SSUH2: variants seen among roughly 807,000 people sequenced by gnomAD.
SSUH2 encodes the protein protein SSUH2 homolog.
In SSUH2, 47 loss-of-function variants were observed where a neutral mutation model predicts 55.3. The observed-to-expected ratio is 0.85, with a 90% CI of 0.67 to 1.08. SSUH2 has a LOEUF of 1.08. Among genes scored for constraint, SSUH2 ranks in the 50% least tolerant of loss-of-function variants. SSUH2 has a pLI of 0.00. For missense variants in SSUH2, 535 were observed against 490.7 expected (o/e 1.09, Z -0.85); for synonymous variants, 212 against 191.5 (o/e 1.11, Z -0.89).
At chr3:8,663,526 G>C (rs1703700124) in intron 6 of SSUH2, among the ~76,000 whole-genome samples, 1 of 152,202 alleles carries the variant, frequency 6.6e-6, no homozygotes. Context: ...AAGAAGGCGT[G>C]GTTGGCAGTC....
intron 8 of SSUH2, 51 bp from the exon 9 acceptor site, chr3:8,626,372 G>T: frequency 7.0e-7 from 1 of 1,427,030 alleles, no homozygotes; most frequent in Non-Finnish European, 9.9e-7. Flanking sequence ...GGTCCTGGTG[G>T]CTTCCAGAGG....
chr3:8,674,742 C>T (rs1705034337), intron 3 of SSUH2, among the ~76,000 whole-genome samples: 1 of 152,158 alleles, frequency 6.6e-6, no homozygotes, highest in African/African-American at 2.4e-5. Flanking sequence ...CGGCTCTTTG[C>T]TGCTAAAGTT....
intron 5 of SSUH2, among the ~76,000 whole-genome samples, chr3:8,668,078 G>T (rs1490794436): frequency 6.6e-6 from 1 of 151,894 alleles, no homozygotes; most frequent in Non-Finnish European, 1.5e-5. Context: ...AAGACCCAGG[G>T]TCTCCAGGTG....
chr3:8,668,254 A>G (rs1704176696), intron 5 of SSUH2, among the ~76,000 whole-genome samples: 1 of 152,206 alleles, frequency 6.6e-6, no homozygotes, highest in Non-Finnish European at 1.5e-5. Context: ...GTATTCTAAG[A>G]TCAGCATTCA....
intron 1 of SSUH2, among the ~76,000 whole-genome samples, chr3:8,643,343 T>A (rs1435897175): frequency 6.6e-6 from 1 of 152,198 alleles, no homozygotes; most frequent in Non-Finnish European, 1.5e-5. Flanking sequence ...AGATCTGACC[T>A]AGTCCATTGC....
At chr3:8,633,581 A>G in intron 4 of SSUH2, 85 bp downstream of exon 4, 2 of 1,185,326 alleles carry the variant, frequency 1.7e-6, no homozygotes, top group Non-Finnish European at 2.3e-6. Context: ...CCCTGGCCAC[A>G]TCACACAAAC....
chr3:8,636,955 A>G (rs1700023866), intron 1 of SSUH2, among the ~76,000 whole-genome samples: 1 of 152,186 alleles, frequency 6.6e-6, no homozygotes, highest in Non-Finnish European at 1.5e-5. Context: ...GTCTGACTCC[A>G]AAGTTCGTGT....
chr3:8,626,537 G>GCCCCCCCCCCCCC (rs58662232), intron 8 of SSUH2, among the ~76,000 whole-genome samples: 1 of 107,652 alleles, frequency 9.3e-6, no homozygotes, highest in Non-Finnish European at 1.9e-5. Context: ...TCTAGGGCCT[G>GCCCCCCCCCCCCC]CCCCCCCCCC....
rs1703860229 is a variant in SSUH2, at chr3:8,665,009, C to T, written c.-454-1207G>A. Among the ~76,000 whole-genome samples the T allele has an allele frequency of 2.6e-5, 4 of 152,160 alleles. No homozygotes were observed. The South Asian group carries it at 8.3e-4, about 32-fold the overall frequency. On this transcript the variant is annotated intron_variant, in intron 5 of 18. Coordinates refer to the SSUH2 transcript ENST00000317371. ...AAAAATGCCTTCCTTAAGAATCACC[C>T]TCACACAAGAACAATCCCTGCTGTC...
intron 1 of SSUH2, among the ~76,000 whole-genome samples, chr3:8,637,782 C>T (rs1700158224): frequency 6.6e-6 from 1 of 152,230 alleles, no homozygotes; most frequent in South Asian, 2.1e-4. Context: ...GTCTCAGTCA[C>T]TGAAGCAAAC....
At chr3:8,661,408 CA>C (rs2125366511) in intron 6 of SSUH2, among the ~76,000 whole-genome samples, 1 of 152,316 alleles carries the variant, frequency 6.6e-6, no homozygotes, top group African/African-American at 2.4e-5. Context: ...AGTCTATGAG[CA>C]ATTTAAGAGT....
chr3:8,679,214 AT>A lies in SSUH2; in HGVS notation c.-901+490del, dbSNP rs1463072847. Among the ~76,000 whole-genome samples the A allele has an allele frequency of 2.2e-3, 53 of 24,250 alleles. 9 individuals are homozygous for A. Among genetic ancestry groups the A allele is most frequent in the Admixed American group, 6.1e-3 (14 of 2,280 alleles). The allele number at this position is 24,250 out of a possible 152,430, so 15.9% of individuals were successfully genotyped here. On this transcript the variant is annotated intron_variant, in intron 2 of 18. Transcript: ENST00000317371. ...TCTTGGGACCCCCATCGCAGGGGGG[AT>A]GGCACCCTCCGTGAGCGGGGACTGA...
chr3:8,645,624 C>A (rs1701581080), upstream of SSUH2, among the ~76,000 whole-genome samples: 1 of 152,130 alleles, frequency 6.6e-6, no homozygotes, highest in Admixed American at 6.5e-5. Context: ...GGTTCTCTGG[C>A]CAGGGTGATG....
At chr3:8,627,507 G>A (rs1012191477) in intron 8 of SSUH2, 191 bp downstream of exon 8, 12 of 424,936 alleles carry the variant, frequency 2.8e-5, no homozygotes, top group African/African-American at 2.3e-4. Flanking sequence ...TTCCAGCCTT[G>A]TCCAGAAATG....
upstream of SSUH2, among the ~76,000 whole-genome samples, chr3:8,648,895 C>A (rs1047889351): frequency 6.6e-6 from 1 of 152,154 alleles, no homozygotes; most frequent in African/African-American, 2.4e-5. Context: ...CTAATGGTGG[C>A]CTGGTCACCT....
At chr3:8,659,598 A>C (rs1311176560) in intron 6 of SSUH2, 1 of 331,608 alleles carries the variant, frequency 3.0e-6, no homozygotes, top group Non-Finnish European at 5.9e-6. Context: ...GGGTTGGAAG[A>C]ATCTGCTGGA....
chr3:8,627,823 A>G (rs1428206211), intron 7 of SSUH2, 40 bp from the exon 8 acceptor site: 13 of 1,573,106 alleles, frequency 8.3e-6, no homozygotes, highest in Non-Finnish European at 1.1e-5. Flanking sequence ...CTGGCCTCCC[A>G]GGAAGCAGGG....
chr3:8,680,238 A>G (rs57619090), intron 1 of SSUH2, among the ~76,000 whole-genome samples: 1,603 of 152,176 alleles, frequency 0.011, 23 homozygotes, highest in East Asian at 0.069. Context: ...CTGCTAGTAC[A>G]AGAAGCAAAG....
At chr3:8,661,865 G>A (rs1260370136) in intron 6 of SSUH2, among the ~76,000 whole-genome samples, 2 of 152,208 alleles carry the variant, frequency 1.3e-5, no homozygotes, top group Non-Finnish European at 2.9e-5. Context: ...GACCCAGTGG[G>A]AGATAATTGA....
Sources: allele counts gnomAD v4.1 joint callset (sites outside exome capture counted in the v4.1 genomes callset), GRCh38; gene constraint gnomAD v4.1.1; transcripts MANE v1.5; gene names NCBI Gene and HGNC (gene_info 2026-07-23, HGNC 2026-07-21).